The following EXOC6B variants were observed in gnomAD, a reference collection of about 807,000 sequenced individuals.
The protein encoded by EXOC6B is exocyst complex component 6B, also known as SEC15 homolog B.
In EXOC6B, 54 loss-of-function variants were observed where a neutral mutation model predicts 113.5. The observed-to-expected ratio is 0.48, with a 90% CI of 0.38 to 0.60. The LOEUF (loss-of-function observed/expected upper bound fraction) is 0.60, where lower values mean the gene tolerates loss of function less well. Among genes scored for constraint, EXOC6B ranks in the 20% least tolerant of loss-of-function variants. The probability of loss-of-function intolerance (pLI) is 0.00; values close to 1 mark genes in which losing one functional copy is unlikely to be tolerated. For synonymous variants in EXOC6B, 357 were observed against 339.0 expected (o/e 1.05, Z -0.58); for missense variants, 797 against 977.5 (o/e 0.82, Z 2.46).
At chr2:72,679,496 T>A (rs1676538446) in intron 6 of EXOC6B, among the ~76,000 whole-genome samples, 1 of 152,238 alleles carries the variant, frequency 6.6e-6, no homozygotes, top group African/African-American at 2.4e-5. Context: ...TTCTTAGTTG[T>A]AATCTGTCAA....
chr2:72,312,900 C>T (rs1417186894), intron 20 of EXOC6B, among the ~76,000 whole-genome samples: 1 of 151,744 alleles, frequency 6.6e-6, no homozygotes, highest in Non-Finnish European at 1.5e-5. Context: ...AGAGACATTC[C>T]CAAGATCACC....
At chr2:72,749,180 T>C (rs1471984997) in intron 1 of EXOC6B, among the ~76,000 whole-genome samples, 2 of 152,100 alleles carry the variant, frequency 1.3e-5, no homozygotes, top group African/African-American at 4.8e-5. Context: ...TATAAAAAAG[T>C]ACCTCTACAG....
chr2:72,247,175 T>G (rs1203027884), intron 20 of EXOC6B, among the ~76,000 whole-genome samples: 2 of 152,216 alleles, frequency 1.3e-5, no homozygotes, highest in Admixed American at 6.5e-5. Flanking sequence ...ATAAATGTTT[T>G]TAATTTATTT....
At chr2:72,476,876 A>G (rs910997057) in intron 17 of EXOC6B, among the ~76,000 whole-genome samples, 1 of 152,190 alleles carries the variant, frequency 6.6e-6, no homozygotes, top group Non-Finnish European at 1.5e-5. Flanking sequence ...TAATCTTTGC[A>G]CATGAAGTTA....
intron 20 of EXOC6B, among the ~76,000 whole-genome samples, chr2:72,208,666 T>G (rs1195532548): frequency 6.6e-6 from 1 of 152,156 alleles, no homozygotes; most frequent in East Asian, 1.9e-4. Context: ...TTAACCCTTT[T>G]CTAGAACCTA....
Position 72,816,426 on chromosome 2 carries a change from T to C in EXOC6B, c.113+9372A>G, listed in dbSNP as rs1298702132. 2.0e-5 allele frequency among the ~76,000 whole-genome samples: 3 copies of C among 152,148 alleles called. No homozygotes were observed. In the East Asian group the frequency reaches 5.8e-4, roughly 29 times the overall value. ...AACTAAGCTGCAGAAGTCTATACAA[T>C]AACACTATTTATTTTGTAAAAAGGA... On this transcript the variant is annotated intron_variant, in intron 1 of 21. Coordinates refer to ENST00000272427, the MANE Select transcript of EXOC6B (RefSeq NM_015189.3).
intron 11 of EXOC6B, among the ~76,000 whole-genome samples, chr2:72,511,627 C>T: frequency 6.6e-6 from 1 of 152,094 alleles, no homozygotes; most frequent in Non-Finnish European, 1.5e-5. Context: ...GATCATCTTA[C>T]TCCATGTTAT....
chr2:72,331,002 G>A (rs1688389420), intron 20 of EXOC6B, among the ~76,000 whole-genome samples: 1 of 152,090 alleles, frequency 6.6e-6, no homozygotes, highest in Non-Finnish European at 1.5e-5. Context: ...CAAAGTATGA[G>A]TAAGCCCAGC....
chr2:72,484,810 A>G (rs1483096294), intron 16 of EXOC6B, among the ~76,000 whole-genome samples: 1 of 152,174 alleles, frequency 6.6e-6, no homozygotes, highest in Non-Finnish European at 1.5e-5. Context: ...ATAGTATTCC[A>G]TGATGTATAT....
intron 18 of EXOC6B, among the ~76,000 whole-genome samples, chr2:72,396,905 T>C (rs1219824309): frequency 2.6e-5 from 4 of 152,052 alleles, no homozygotes; most frequent in African/African-American, 9.7e-5. Flanking sequence ...ATTTACATTG[T>C]ACTCAACAAA....
At chr2:72,634,104 A>G (rs1672668026) in intron 6 of EXOC6B, among the ~76,000 whole-genome samples, 1 of 152,120 alleles carries the variant, frequency 6.6e-6, no homozygotes, top group Admixed American at 6.5e-5. Context: ...GAAAGAAGAA[A>G]AGAAGAAGGC....
intron 6 of EXOC6B, among the ~76,000 whole-genome samples, chr2:72,679,596 C>G (rs1162244144): frequency 6.6e-6 from 1 of 151,940 alleles, no homozygotes; most frequent in Non-Finnish European, 1.5e-5. Flanking sequence ...ACTGGTAATC[C>G]CATGAGATTT....
intron 20 of EXOC6B, among the ~76,000 whole-genome samples, chr2:72,194,094 C>G (rs990206635): frequency 1.3e-5 from 2 of 152,090 alleles, no homozygotes; most frequent in Non-Finnish European, 2.9e-5. Context: ...GCAGTATGCT[C>G]TGAAATTCTC....
intron 18 of EXOC6B, among the ~76,000 whole-genome samples, chr2:72,431,444 T>C (rs1351102913): frequency 3.3e-5 from 5 of 152,090 alleles, no homozygotes; most frequent in Non-Finnish European, 1.5e-5. Flanking sequence ...CCTGGAGAGC[T>C]GGGAGTACTA....
chr2:72,212,098 T>G (rs1440330254), intron 20 of EXOC6B, among the ~76,000 whole-genome samples: 1 of 152,126 alleles, frequency 6.6e-6, no homozygotes, highest in Non-Finnish European at 1.5e-5. Context: ...GAATGGTGTA[T>G]CAAAATGAGT....
At position 72,176,144 on chromosome 2, in the gene EXOC6B, TC is replaced by T. The variant is rs1169932846; in HGVS notation, c.*3190del. Reference sequence around the variant, plus strand: ...ACAAGTAAGTTTTAGAGAAAAAAGTTCCCTTTAGAGTTAAAAATGGACTTTC... The same window carrying T: ...ACAAGTAAGTTTTAGAGAAAAAAGTTCCTTTAGAGTTAAAAATGGACTTTC... On this transcript the variant is annotated 3_prime_UTR_variant, in exon 22 of 22. Coordinates refer to ENST00000272427, the MANE Select transcript of EXOC6B (RefSeq NM_015189.3). The T allele has an allele frequency of 1.3e-5, 2 of 152,022 alleles. No individual in the cohort carries two copies. The highest frequency in any genetic ancestry group is 2.4e-5 in the African/African-American group (1 of 41,382). The allele number at this position is 152,022 out of a possible 1,614,324, so 9.4% of individuals were successfully genotyped here.
chr2:72,478,350 T>G (rs1698877303), intron 17 of EXOC6B, among the ~76,000 whole-genome samples: 1 of 152,148 alleles, frequency 6.6e-6, no homozygotes, highest in Non-Finnish European at 1.5e-5. Flanking sequence ...CTTAAAGACC[T>G]TCAGACTCTT....
intron 1 of EXOC6B, among the ~76,000 whole-genome samples, chr2:72,823,492 A>AAAAAAC (rs1686716729): frequency 1.3e-5 from 2 of 150,504 alleles, no homozygotes; most frequent in Non-Finnish European, 3.0e-5. Flanking sequence ...AAAACAAAAA[A>AAAAAAC]AAAGACAGTG....
chr2:72,273,113 A>G (rs1030115361), intron 20 of EXOC6B, among the ~76,000 whole-genome samples: 1 of 152,168 alleles, frequency 6.6e-6, no homozygotes, highest in African/African-American at 2.4e-5. Context: ...TTCTCAAATC[A>G]AGGTATCCAT....
Sources: gnomAD v4.1 joint callset for allele counts (sites outside exome capture counted in the v4.1 genomes callset) on GRCh38, gnomAD v4.1.1 for gene constraint, MANE v1.5 for transcripts, NCBI Gene and HGNC (gene_info 2026-07-23, HGNC 2026-07-21) for gene names.